MYO1E: variants seen among roughly 807,000 people sequenced by gnomAD.
MYO1E encodes myosin IE.
MYO1E carries 68 observed loss-of-function variants against 151.1 expected under a neutral mutation model. That is an observed-to-expected ratio of 0.45 (90% confidence interval 0.37 to 0.55). The LOEUF (loss-of-function observed/expected upper bound fraction) is 0.55. Ranked by LOEUF, MYO1E falls within the 20% of genes least tolerant of loss-of-function variation. MYO1E has a pLI of 0.00. For synonymous variants in MYO1E, 601 were observed against 501.7 expected, an observed-to-expected ratio of 1.20 and a Z score of -2.64; for missense variants, 1,363 against 1,389.3, an observed-to-expected ratio of 0.98 and a Z score of 0.30.
chr15:59,156,073 A>T (rs866026431), intron 25 of MYO1E, among the ~76,000 whole-genome samples: 2 of 152,216 alleles, frequency 1.3e-5, no homozygotes, highest in African/African-American at 4.8e-5. Context: ...CTCAGGCTGG[A>T]GTGCAGTGGC....
At chr15:59,185,161 T>C (rs2079688221) in intron 18 of MYO1E, among the ~76,000 whole-genome samples, 1 of 152,206 alleles carries the variant, frequency 6.6e-6, no homozygotes, top group African/African-American at 2.4e-5. Context: ...ACAAAGTTGT[T>C]TGAGCTCCTT....
At chr15:59,201,721 G>C (rs2079803436) in intron 16 of MYO1E, among the ~76,000 whole-genome samples, 2 of 152,150 alleles carry the variant, frequency 1.3e-5, no homozygotes, top group African/African-American at 2.4e-5. Flanking sequence ...TCTTAATTCA[G>C]TGTAATTAAG....
chr15:59,372,114 G>C lies in MYO1E; in HGVS notation c.3+384C>G, dbSNP rs1458481033. 3.3e-5 allele frequency among the ~76,000 whole-genome samples: 5 copies of C among 150,866 alleles called. No homozygotes were observed. In the South Asian group the frequency reaches 1.0e-3, roughly 31 times the overall value. On this transcript the variant is annotated intron_variant, in intron 1 of 27. Coordinates refer to ENST00000288235, the MANE Select transcript of MYO1E (RefSeq NM_004998.4). The stretch of plus-strand genomic sequence containing the variant: ...GCAGGGGACGCCGCCAGCGGCTGCG[G>C]CGCGAGTCTCCGAGCACCTCCCCTG...
intron 4 of MYO1E, among the ~76,000 whole-genome samples, chr15:59,253,630 C>T (rs941156615): frequency 5.3e-5 from 8 of 152,026 alleles, no homozygotes; most frequent in South Asian, 2.1e-4. Context: ...TACAGGCATG[C>T]GCCGCCATGC....
chr15:59,277,543 C>T (rs1306037443), intron 1 of MYO1E, among the ~76,000 whole-genome samples: 1 of 17,354 alleles, frequency 5.8e-5, no homozygotes, highest in African/African-American at 1.0e-4. Flanking sequence ...GACTCCATCC[C>T]CCCACAAAAA....
intron 17 of MYO1E, among the ~76,000 whole-genome samples, chr15:59,191,635 C>T (rs1254283388): frequency 6.6e-6 from 1 of 152,184 alleles, no homozygotes; most frequent in Non-Finnish European, 1.5e-5. Flanking sequence ...GAATATTCCT[C>T]ATGTTAAAAC....
intron 18 of MYO1E, among the ~76,000 whole-genome samples, chr15:59,180,871 ATTCCT>A (rs2079654430): frequency 6.6e-6 from 1 of 152,162 alleles, no homozygotes; most frequent in East Asian, 1.9e-4. Context: ...AATAGCTTAC[ATTCCT>A]TTCATCACAT....
At chr15:59,157,782 A>G (rs1344618447) in intron 25 of MYO1E, among the ~76,000 whole-genome samples, 3 of 152,250 alleles carry the variant, frequency 2.0e-5, no homozygotes, top group Non-Finnish European at 2.9e-5. Flanking sequence ...GGTTTTGTGG[A>G]AAACTCAAAC....
intron 5 of MYO1E, among the ~76,000 whole-genome samples, chr15:59,234,822 C>CAA (rs3053017): frequency 0.17 from 17,370 of 101,846 alleles, 1,702 homozygotes; most frequent in East Asian, 0.56. Flanking sequence ...GACCCCATCT[C>CAA]AAAAAAAAAA....
intron 8 of MYO1E, among the ~76,000 whole-genome samples, chr15:59,223,631 A>G (rs2079969992): frequency 1.3e-5 from 2 of 152,130 alleles, no homozygotes; most frequent in African/African-American, 4.8e-5. Context: ...TGACCTTTCC[A>G]CCTACTCAAA....
At chr15:59,173,449 C>T (rs145493867) in intron 21 of MYO1E, among the ~76,000 whole-genome samples, 5 of 151,860 alleles carry the variant, frequency 3.3e-5, no homozygotes, top group African/African-American at 9.7e-5. Context: ...AAAAGACAAA[C>T]AAAAAACCAC....
rs192510154 is a variant in MYO1E, at chr15:59,132,838, A to C, written c.*4542T>G. The stretch of plus-strand genomic sequence containing the variant: ...AAGAAGATACTTGAACATAGCTGTT[A>C]ATTATTTTAAAGAGAAGGTTAATGG... On this transcript the variant is annotated 3_prime_UTR_variant, in exon 28 of 28. Transcript: ENST00000288235. 6.6e-6 allele frequency: 1 copy of C among 152,314 alleles called. No individual in the cohort carries two copies. Among genetic ancestry groups the C allele is most frequent in the East Asian group, 1.9e-4 (1 of 5,190 alleles). The allele number at this position is 152,314 out of a possible 1,614,324, so 9.4% of individuals were successfully genotyped here.
intron 2 of MYO1E, among the ~76,000 whole-genome samples, chr15:59,261,887 G>A (rs1238737816): frequency 6.6e-6 from 1 of 152,096 alleles, no homozygotes; most frequent in Admixed American, 6.6e-5. Flanking sequence ...TTGAACTTTC[G>A]TATCCGTTAG....
chr15:59,259,655 T>A (rs996686875), intron 3 of MYO1E, among the ~76,000 whole-genome samples: 1 of 152,208 alleles, frequency 6.6e-6, no homozygotes, highest in Non-Finnish European at 1.5e-5. Flanking sequence ...AAGCAAGCTA[T>A]GGGCAGTGGG....
At position 59,206,789 on chromosome 15, in the gene MYO1E, AGG is replaced by A. The variant is rs1366042491; in HGVS notation, c.1531-1306_1531-1305del. On this transcript the variant is annotated intron_variant, in intron 14 of 27. Transcript: ENST00000288235. ...AAAGCACGTGTCGGAGACTCTGGCAAGGCCCGCGCAGCCGCAGTAGAGGGCCA... is the reference window on the plus strand; with the variant it reads ...AAAGCACGTGTCGGAGACTCTGGCAACCCGCGCAGCCGCAGTAGAGGGCCA... The A allele has an allele frequency of 2.2e-4, 153 of 703,030 alleles. No individual in the cohort carries two copies. The African/African-American group carries it at 2.5e-3, about 11-fold the overall frequency. 43.5% of individuals were successfully genotyped at this position (703,030 alleles called of 1,614,324 possible).
intron 8 of MYO1E, among the ~76,000 whole-genome samples, chr15:59,223,640 A>T (rs1274276294): frequency 6.6e-6 from 1 of 152,110 alleles, no homozygotes; most frequent in East Asian, 1.9e-4. Context: ...CACCTACTCA[A>T]AGTGGACTCG....
intron 1 of MYO1E, among the ~76,000 whole-genome samples, chr15:59,277,546 C>G (rs1353157432): frequency 2.0e-4 from 2 of 10,138 alleles, no homozygotes; most frequent in African/African-American, 1.4e-4. Flanking sequence ...TCCATCCCCC[C>G]ACAAAAAAAA....
chr15:59,189,635 C>CA (rs1481709464), intron 17 of MYO1E, among the ~76,000 whole-genome samples: 15 of 152,158 alleles, frequency 9.9e-5, no homozygotes, highest in African/African-American at 3.4e-4. Flanking sequence ...AGTGCAGTGG[C>CA]AAAATCTCGG....
intron 26 of MYO1E, among the ~76,000 whole-genome samples, chr15:59,143,828 C>T (rs2079425127): frequency 6.6e-6 from 1 of 152,198 alleles, no homozygotes; most frequent in African/African-American, 2.4e-5. Context: ...CTGGCCTCTG[C>T]CCACTTCCCA....
Sources: allele counts gnomAD v4.1 joint callset (sites outside exome capture counted in the v4.1 genomes callset), GRCh38; gene constraint gnomAD v4.1.1; transcripts MANE v1.5; gene names NCBI Gene and HGNC (gene_info 2026-07-23, HGNC 2026-07-21).